The following PACS1 variants were observed in gnomAD, a reference collection of about 807,000 sequenced individuals.
PACS1 encodes phosphofurin acidic cluster sorting protein 1.
A neutral mutation model predicts 115.0 loss-of-function variants in PACS1; 24 were observed. The observed-to-expected ratio is 0.21, with a 90% CI of 0.15 to 0.29. The LOEUF is 0.29. Ranked by LOEUF, PACS1 falls within the 10% of genes least tolerant of loss-of-function variation. The pLI, the probability that PACS1 is intolerant of heterozygous loss-of-function variation, is 1.00. For synonymous variants in PACS1, 453 were observed against 504.5 expected (o/e 0.90, Z 1.37); for missense variants, 838 against 1,251.2 (o/e 0.67, Z 4.98).
At chr11:66,118,219 T>G (rs1485363920) in intron 1 of PACS1, among the ~76,000 whole-genome samples, 1 of 152,242 alleles carries the variant, frequency 6.6e-6, no homozygotes, top group Non-Finnish European at 1.5e-5. Context: ...TAACAGATGC[T>G]ACACACAGGT....
chr11:66,180,269 C>T (rs1859972663), intron 1 of PACS1, among the ~76,000 whole-genome samples: 1 of 152,060 alleles, frequency 6.6e-6, no homozygotes, highest in African/African-American at 2.4e-5. Flanking sequence ...CTGCCACCAG[C>T]TTTTTTGGTT....
chr11:66,218,482 A>G (rs74744490), intron 7 of PACS1: 1 of 152,218 alleles, frequency 6.6e-6, no homozygotes, highest in African/African-American at 2.4e-5. Flanking sequence ...AGCTTCCCAG[A>G]TGAGATGCTG....
chr11:66,215,988 A>C (rs1183897717), intron 4 of PACS1, 131 bp from the exon 5 acceptor site: 1 of 616,486 alleles, frequency 1.6e-6, no homozygotes, highest in Non-Finnish European at 2.8e-6. Context: ...GACAGTAGGC[A>C]TGGATTTGAA....
intron 1 of PACS1, among the ~76,000 whole-genome samples, chr11:66,126,795 A>C (rs1303209411): frequency 2.0e-5 from 3 of 152,130 alleles, no homozygotes; most frequent in Non-Finnish European, 4.4e-5. Context: ...GATTATTAGC[A>C]TAATAAGTAT....
At chr11:66,187,525 T>C (rs981823022) in intron 1 of PACS1, among the ~76,000 whole-genome samples, 4 of 152,332 alleles carry the variant, frequency 2.6e-5, no homozygotes, top group African/African-American at 9.6e-5. Flanking sequence ...AGATTAACTT[T>C]TTTAGCTTCC....
At chr11:66,214,917 C>T (rs1356405717) in intron 4 of PACS1, among the ~76,000 whole-genome samples, 1 of 151,396 alleles carries the variant, frequency 6.6e-6, no homozygotes, top group Non-Finnish European at 1.5e-5. Context: ...CTACTGTGCC[C>T]GGCCAAGCAA....
chr11:66,079,643 C>A (rs1330750891), intron 1 of PACS1, among the ~76,000 whole-genome samples: 2 of 152,130 alleles, frequency 1.3e-5, no homozygotes, highest in Non-Finnish European at 2.9e-5. Context: ...CCTCTATAAT[C>A]TTCCAGTTCA....
intron 22 of PACS1, among the ~76,000 whole-genome samples, chr11:66,242,177 G>A (rs1433970006): frequency 6.6e-6 from 1 of 152,238 alleles, no homozygotes; most frequent in Non-Finnish European, 1.5e-5. Context: ...GCTCCTGTGC[G>A]TGGGAGTGAG....
intron 1 of PACS1, among the ~76,000 whole-genome samples, chr11:66,099,160 C>T (rs142168294): frequency 6.6e-6 from 1 of 152,198 alleles, no homozygotes; most frequent in African/African-American, 2.4e-5. Context: ...TCTCCTGCCT[C>T]AGCCTCCAAA....
chr11:66,106,581 A>AT (rs1858045620), intron 1 of PACS1, among the ~76,000 whole-genome samples: 2 of 152,012 alleles, frequency 1.3e-5, no homozygotes, highest in South Asian at 4.1e-4. Context: ...AATAAAAAAA[A>AT]ATATAAAAAA....
chr11:66,084,693 C>G (rs1368741385), intron 1 of PACS1, among the ~76,000 whole-genome samples: 6 of 152,196 alleles, frequency 3.9e-5, no homozygotes, highest in African/African-American at 1.4e-4. Context: ...AAGGATGACA[C>G]CAATAGTTCA....
chr11:66,103,921 C>A (rs1374051415), intron 1 of PACS1, among the ~76,000 whole-genome samples: 3 of 151,874 alleles, frequency 2.0e-5, no homozygotes, highest in Non-Finnish European at 2.9e-5. Flanking sequence ...TTTATCTGTG[C>A]CCCCATCCCC....
intron 1 of PACS1, among the ~76,000 whole-genome samples, chr11:66,075,194 T>G (rs1409201357): frequency 3.3e-5 from 5 of 152,208 alleles, no homozygotes; most frequent in Admixed American, 3.3e-4. Context: ...CTGCCCGCCT[T>G]GGCCTTCCAA....
At chr11:66,221,742 G>C (rs1328971394) in intron 10 of PACS1, 1 of 157,658 alleles carries the variant, frequency 6.3e-6, no homozygotes, top group African/African-American at 2.4e-5. Flanking sequence ...GCTCTTTGGG[G>C]TCATTGCTGT....
At chr11:66,149,085 A>C (rs1054774402) in intron 1 of PACS1, among the ~76,000 whole-genome samples, 1 of 138,518 alleles carries the variant, frequency 7.2e-6, no homozygotes, top group South Asian at 2.3e-4. Flanking sequence ...GCACATGCAC[A>C]CGCACTTTTT....
At position 66,241,420 on chromosome 11, in the gene PACS1, T is replaced by C; in HGVS notation, c.2430-7T>C. ...GCTGACCTCTCCTCTTTGTTCCCTTTCCTCAGGAGCCCTAATAGCCCATAT... is the reference window on the plus strand; with the variant it reads ...GCTGACCTCTCCTCTTTGTTCCCTTCCCTCAGGAGCCCTAATAGCCCATAT... On this transcript the variant is annotated splice_polypyrimidine_tract_variant and splice_region_variant and intron_variant, in intron 21 of 23. Coordinates refer to ENST00000320580, the MANE Select transcript of PACS1 (RefSeq NM_018026.4). 6.4e-7 allele frequency: 1 copy of C among 1,573,914 alleles called. No homozygotes were observed. Among genetic ancestry groups the C allele is most frequent in the Non-Finnish European group, 8.6e-7 (1 of 1,158,078 alleles).
At chr11:66,180,812 C>T (rs1194225024) in intron 1 of PACS1, among the ~76,000 whole-genome samples, 1 of 152,140 alleles carries the variant, frequency 6.6e-6, no homozygotes, top group African/African-American at 2.4e-5. Context: ...GCATGAGCCA[C>T]CATACTTAAC....
At chr11:66,227,969 C>T (rs1241036940) in intron 11 of PACS1, among the ~76,000 whole-genome samples, 2 of 152,086 alleles carry the variant, frequency 1.3e-5, no homozygotes, top group East Asian at 3.9e-4. Context: ...GGTACTGGTC[C>T]GTGTTCTAAG....
At chr11:66,071,989 CCTGA>C (rs1335478053) in intron 1 of PACS1, among the ~76,000 whole-genome samples, 3 of 152,176 alleles carry the variant, frequency 2.0e-5, no homozygotes, top group East Asian at 1.9e-4. Context: ...GGTGCCCCTT[CCTGA>C]CTGTCTCCCC....
Sources: allele counts gnomAD v4.1 joint callset (sites outside exome capture counted in the v4.1 genomes callset), GRCh38; gene constraint gnomAD v4.1.1; transcripts MANE v1.5; gene names NCBI Gene and HGNC (gene_info 2026-07-23, HGNC 2026-07-21).